The following TTLL7 variants were observed in gnomAD, a reference collection of about 807,000 sequenced individuals.
The protein encoded by TTLL7 is tubulin polyglutamylase TTLL7.
A neutral mutation model predicts 120.2 loss-of-function variants in TTLL7; 53 were observed. That is an observed-to-expected ratio of 0.44 (90% CI 0.35 to 0.55). TTLL7 has a LOEUF of 0.55. Ranked by LOEUF, TTLL7 falls within the 20% of genes least tolerant of loss-of-function variation. TTLL7 has a pLI of 0.00. For missense variants in TTLL7, 803 were observed against 1,054.7 expected, an observed-to-expected ratio of 0.76 and a Z score of 3.31; for synonymous variants, 353 against 351.7, an observed-to-expected ratio of 1.00 and a Z score of -0.04.
chr1:83,952,241 G>A lies in TTLL7; in HGVS notation c.-30C>T. 1 of 1,613,500 alleles carries A rather than the reference G, an allele frequency of 6.2e-7. No homozygotes were observed. The highest frequency in any genetic ancestry group is 8.5e-7 in the Non-Finnish European group (1 of 1,179,598). ...GCCTGTGCTGATTAGCAAGCAGTGT[G>A]TGCTGCTGTACCAAGCTCTCAGGAA... On this transcript the variant is annotated 5_prime_UTR_variant, in exon 2 of 21. Coordinates refer to ENST00000260505, the MANE Select transcript of TTLL7 (RefSeq NM_024686.6).
At chr1:83,976,052 T>C (rs934952601) in intron 1 of TTLL7, among the ~76,000 whole-genome samples, 4 of 150,682 alleles carry the variant, frequency 2.7e-5, no homozygotes, top group African/African-American at 9.9e-5. Context: ...TGTGTGTGTG[T>C]GTGTGTGTGT....
At chr1:83,918,438 G>T (rs1658370752) in intron 13 of TTLL7, among the ~76,000 whole-genome samples, 1 of 152,132 alleles carries the variant, frequency 6.6e-6, no homozygotes, top group South Asian at 2.1e-4. Context: ...TTTAAGAAAG[G>T]ATTCTAGAAA....
chr1:83,957,370 A>T (rs1649620039), intron 1 of TTLL7, among the ~76,000 whole-genome samples: 1 of 152,228 alleles, frequency 6.6e-6, no homozygotes, highest in Non-Finnish European at 1.5e-5. Flanking sequence ...ATAATCAAAC[A>T]AAAAGTCAAG....
intron 1 of TTLL7, chr1:83,979,714 C>T (rs982941188): frequency 6.6e-6 from 1 of 152,210 alleles, no homozygotes; most frequent in Non-Finnish European, 1.5e-5. Context: ...AAGTTAGAAG[C>T]AAAATGGAGT....
intron 14 of TTLL7, among the ~76,000 whole-genome samples, 165 bp downstream of exon 14, chr1:83,917,439 A>T (rs1658285569): frequency 6.6e-6 from 1 of 152,118 alleles, no homozygotes; most frequent in Non-Finnish European, 1.5e-5. Flanking sequence ...AAACAAAACA[A>T]ACTCCTGAGT....
At chr1:83,917,348 C>T (rs1426858461) in intron 14 of TTLL7, among the ~76,000 whole-genome samples, 2 of 152,072 alleles carry the variant, frequency 1.3e-5, no homozygotes, top group African/African-American at 2.4e-5. Flanking sequence ...AGAGTACTAG[C>T]TCTTGGGTCC....
At chr1:83,967,846 CT>C (rs1361341849) in intron 1 of TTLL7, among the ~76,000 whole-genome samples, 3 of 151,698 alleles carry the variant, frequency 2.0e-5, no homozygotes, top group Non-Finnish European at 2.9e-5. Context: ...TTCAGCAATT[CT>C]TCTCAAAAAA....
chr1:83,885,749 C>T (rs1225205075), intron 19 of TTLL7, among the ~76,000 whole-genome samples: 1 of 152,074 alleles, frequency 6.6e-6, no homozygotes, highest in African/African-American at 2.4e-5. Flanking sequence ...CTCCTACCTG[C>T]CACCTGGCAT....
intron 6 of TTLL7, chr1:83,946,347 G>A (rs886211673): frequency 1.3e-5 from 2 of 152,180 alleles, no homozygotes; most frequent in African/African-American, 2.4e-5. Flanking sequence ...CACCACGCCC[G>A]GCCAAGTGTA....
At chr1:83,892,242 ATATATGTATATATGAAT>A (rs1655559254) in intron 18 of TTLL7, among the ~76,000 whole-genome samples, 1 of 139,888 alleles carries the variant, frequency 7.1e-6, no homozygotes, top group African/African-American at 2.7e-5. Flanking sequence ...ATATATGAAT[ATATATGTATATATGAAT>A]ATATATACGA....
At chr1:83,990,104 A>T (rs1339299249) in intron 1 of TTLL7, among the ~76,000 whole-genome samples, 1 of 148,220 alleles carries the variant, frequency 6.7e-6, no homozygotes, top group Non-Finnish European at 1.5e-5. Flanking sequence ...CAGAGTCTTT[A>T]GGGTTTTCTA....
At chr1:83,977,456 C>T (rs149212967) in intron 1 of TTLL7, among the ~76,000 whole-genome samples, 1,681 of 152,040 alleles carry the variant, frequency 0.011, 18 homozygotes, top group Non-Finnish European at 0.017. Context: ...AAATCACATA[C>T]CTTTTTTTTG....
chr1:83,872,006 T>C (rs1426271357), intron 20 of TTLL7, among the ~76,000 whole-genome samples: 2 of 152,160 alleles, frequency 1.3e-5, no homozygotes, highest in African/African-American at 4.8e-5. Flanking sequence ...GTCTATTCTA[T>C]GTTAAATAAT....
intron 19 of TTLL7, chr1:83,887,422 AAGAACT>A (rs1464124796): frequency 4.5e-6 from 1 of 221,998 alleles, no homozygotes; most frequent in Non-Finnish European, 9.1e-6. Flanking sequence ...AAGGATAAAG[AAGAACT>A]ATTCTGGGTC....
At chr1:83,899,879 T>C (rs917377292) in intron 18 of TTLL7, among the ~76,000 whole-genome samples, 1 of 151,978 alleles carries the variant, frequency 6.6e-6, no homozygotes, top group African/African-American at 2.4e-5. Flanking sequence ...ATCTGAGAAC[T>C]GGAAGAAGAG....
chr1:83,971,138 T>G (rs946440129), intron 1 of TTLL7, among the ~76,000 whole-genome samples: 1 of 152,006 alleles, frequency 6.6e-6, no homozygotes, highest in Non-Finnish European at 1.5e-5. Flanking sequence ...CATAATGAAG[T>G]AAGATACAAG....
chr1:83,878,293 T>G (rs1048356648), intron 20 of TTLL7, among the ~76,000 whole-genome samples: 1 of 151,974 alleles, frequency 6.6e-6, no homozygotes, highest in Non-Finnish European at 1.5e-5. Flanking sequence ...TTTACTTCTA[T>G]ATATGACAGT....
At chr1:83,893,830 GGTCAGGGTGT>G (rs1655989942) in intron 18 of TTLL7, among the ~76,000 whole-genome samples, 2 of 152,140 alleles carry the variant, frequency 1.3e-5, no homozygotes, top group South Asian at 4.2e-4. Context: ...TCCTACTGTA[GGTCAGGGTGT>G]GTCCTAGGGG....
At chr1:83,879,650 T>C (rs1023674300) in intron 20 of TTLL7, among the ~76,000 whole-genome samples, 7 of 152,154 alleles carry the variant, frequency 4.6e-5, no homozygotes, top group East Asian at 1.9e-4. Context: ...GCAATAGCAC[T>C]ATAGAGTAAC....
Sources: gnomAD v4.1 joint callset for allele counts (sites outside exome capture counted in the v4.1 genomes callset) on GRCh38, gnomAD v4.1.1 for gene constraint, MANE v1.5 for transcripts, NCBI Gene and HGNC (gene_info 2026-07-23, HGNC 2026-07-21) for gene names.